FBXO32: variants seen among roughly 807,000 people sequenced by gnomAD.
FBXO32 encodes the protein F-box protein 32.
A neutral mutation model predicts 48.3 loss-of-function variants in FBXO32; 15 were observed. The observed-to-expected ratio is 0.31, with a 90% CI of 0.21 to 0.48. The LOEUF is 0.48. FBXO32 is among the 20% of genes least tolerant of loss of function. FBXO32 has a pLI of 0.99. For missense variants in FBXO32, 309 were observed against 432.7 expected, an observed-to-expected ratio of 0.71 and a Z score of 2.54; for synonymous variants, 154 against 165.9, an observed-to-expected ratio of 0.93 and a Z score of 0.55.
rs772131315 is a variant in FBXO32, at chr8:123,506,599, G to C, written c.652-25C>G. ...GCTGCAGAGAGAAGGGTGACAATAG[G>C]TGGGGGGGCCAGAGAGCAGCGATTC... is the stretch of plus-strand genomic sequence containing the variant. On this transcript the variant is annotated intron_variant, in intron 6 of 8. Transcript: ENST00000517956. The surrounding 1 kb of genome is among the most constrained non-coding windows in gnomAD (Gnocchi z 4.0). 6.4e-7 allele frequency: 1 copy of C among 1,559,098 alleles called. No individual in the cohort carries two copies. The highest frequency in any genetic ancestry group is 1.4e-5 in the African/African-American group (1 of 73,908).
rs1479361111 is a variant in FBXO32, at chr8:123,513,624, C to A, written c.467-242G>T. On this transcript the variant is annotated intron_variant, in intron 5 of 8. Transcript: ENST00000517956. This position sits in a 1 kb window ranked among gnomAD's most constrained non-coding sequence, Gnocchi z 4.3. ...CTCTTCTCTCTCATTTTCTATAAAG[C>A]CTCTTTCTCTTTTCATTGTTCTCCC... Among the ~76,000 whole-genome samples, 7 of 152,034 alleles carry A rather than the reference C, an allele frequency of 4.6e-5. No homozygotes were observed. The highest frequency in any genetic ancestry group is 1.7e-4 in the African/African-American group (7 of 41,378).
intron 7 of FBXO32, among the ~76,000 whole-genome samples, chr8:123,505,510 C>T (rs1287058694): frequency 6.6e-6 from 1 of 152,090 alleles, no homozygotes; most frequent in South Asian, 2.1e-4. Context: ...CCGAGGCAGG[C>T]GGATCACCTG....
rs1317817157 is a variant in FBXO32 at position 123,531,898 on chromosome 8, C to T, written c.372G>A (p.Arg124=). 1 of 1,613,940 alleles carries T rather than the reference C, an allele frequency of 6.2e-7. No individual in the cohort carries two copies. The highest frequency in any genetic ancestry group is 1.1e-5 in the South Asian group (1 of 91,042). ...GAGCCTTTAGGCACTTGAGACTTAC[C>T]CGGACCACGTAGTTAAATCTTCTGG... The part of the protein sequence containing the change: ...LDSRRFNYVV[R]LLELIAKSQL... The change falls in exon 4 of 9, where the codon CGG becomes CGA. Residue 124 remains arginine, a splice_region_variant and synonymous_variant. Transcript: ENST00000517956.
At chr8:123,520,400 T>C (rs889606732) in intron 4 of FBXO32, among the ~76,000 whole-genome samples, 9 of 152,058 alleles carry the variant, frequency 5.9e-5, no homozygotes, top group Non-Finnish European at 1.3e-4. Flanking sequence ...ACTCTGGGCA[T>C]CCGGCATGAT....
At chr8:123,521,772 A>G (rs1040244455) in intron 4 of FBXO32, among the ~76,000 whole-genome samples, 1 of 152,152 alleles carries the variant, frequency 6.6e-6, no homozygotes, top group Non-Finnish European at 1.5e-5. Flanking sequence ...CAGAGTTATC[A>G]AAGGCAGAAA....
At chr8:123,529,926 C>G (rs569672334) in intron 4 of FBXO32, among the ~76,000 whole-genome samples, 1 of 152,150 alleles carries the variant, frequency 6.6e-6, no homozygotes, top group African/African-American at 2.4e-5. Flanking sequence ...GACATCAGAT[C>G]TAAGTGTCTT....
intron 1 of FBXO32, among the ~76,000 whole-genome samples, chr8:123,537,999 C>T (rs1817343359): frequency 6.6e-6 from 1 of 152,158 alleles, no homozygotes; most frequent in Admixed American, 6.5e-5. Flanking sequence ...ATTCTTGGAT[C>T]ATCCCAATTC....
intron 4 of FBXO32, among the ~76,000 whole-genome samples, chr8:123,528,966 T>A (rs561112632): frequency 2.0e-5 from 3 of 152,188 alleles, no homozygotes; most frequent in Non-Finnish European, 4.4e-5. Context: ...GGCAAGCTAC[T>A]TTGCAGAGTT....
chr8:123,528,030 C>A (rs1228802765), intron 4 of FBXO32, among the ~76,000 whole-genome samples: 7 of 152,192 alleles, frequency 4.6e-5, no homozygotes, highest in Non-Finnish European at 8.8e-5. Context: ...AATATCTGGG[C>A]TCCAAAGCAG....
At chr8:123,534,958 AG>A (rs1817282062) in intron 1 of FBXO32, 144 bp from the exon 2 acceptor site, 3 of 544,450 alleles carry the variant, frequency 5.5e-6, no homozygotes, top group Non-Finnish European at 9.7e-6. Context: ...GATCACTCAA[AG>A]AAAAAAGAGT....
Position 123,503,134 on chromosome 8 carries a change from A to G in FBXO32, c.*239T>C, listed in dbSNP as rs1816532183. The G allele has an allele frequency of 2.8e-6, 1 of 354,864 alleles. No homozygotes were observed. The highest frequency in any genetic ancestry group is 5.1e-6 in the Non-Finnish European group (1 of 195,416). The allele number at this position is 354,864 out of a possible 1,614,324, so 22.0% of individuals were successfully genotyped here. ...TAGTCTTGCTGGCAAATTGTTAGAAAAAAAGTTTATTTACAGTATTTTGCT... is the reference window on the plus strand; with the variant it reads ...TAGTCTTGCTGGCAAATTGTTAGAAGAAAAGTTTATTTACAGTATTTTGCT... On this transcript the variant is annotated 3_prime_UTR_variant, in exon 9 of 9. Transcript: ENST00000517956.
rs117646760 is a variant in FBXO32, at chr8:123,520,334, G to A, written c.373-6001C>T. Reference sequence around the variant, plus strand: ...GAGAGGCAGGGGGAGGGAAGGGGAAGGAGGAGGAGGCTTCTCGGCTCCTCT... The same window carrying A: ...GAGAGGCAGGGGGAGGGAAGGGGAAAGAGGAGGAGGCTTCTCGGCTCCTCT... On this transcript the variant is annotated intron_variant, in intron 4 of 8. Transcript: ENST00000517956. Among the ~76,000 whole-genome samples the A allele has an allele frequency of 3.1e-3, 475 of 152,266 alleles. 2 individuals are homozygous for A. The highest frequency in any genetic ancestry group is 7.3e-3 in the Admixed American group (112 of 15,294).
Position 123,506,530 on chromosome 8 carries a change from T to G in FBXO32, c.696A>C (p.Leu232=), listed in dbSNP as rs1391458657. The G allele has an allele frequency of 6.2e-7, 1 of 1,611,346 alleles. No individual in the cohort carries two copies. The highest frequency in any genetic ancestry group is 2.2e-5 in the East Asian group (1 of 44,766). Residue 232 remains leucine (L), a synonymous_variant, in exon 7 of 9, where the codon CTA becomes CTC. Transcript: ENST00000517956. This position sits in a 1 kb window ranked among gnomAD's most constrained non-coding sequence, Gnocchi z 4.0. The part of the protein sequence containing the change: ...GLTFTDLPLC[L]QLNIMQRLSD... ...TCAGCCTCTGCATGATGTTCAGTTGTAGGCACAAAGGCAGGTCAGTGAAGG... is the reference window on the plus strand; with the variant it reads ...TCAGCCTCTGCATGATGTTCAGTTGGAGGCACAAAGGCAGGTCAGTGAAGG...
intron 4 of FBXO32, among the ~76,000 whole-genome samples, chr8:123,518,972 G>A (rs1162290415): frequency 1.3e-5 from 2 of 151,904 alleles, no homozygotes; most frequent in Admixed American, 6.6e-5. Flanking sequence ...CAGGGGCACA[G>A]CACTATGCCT....
chr8:123,501,523 G>T lies in FBXO32; in HGVS notation c.*1850C>A. 2 of 151,912 alleles carry T rather than the reference G, an allele frequency of 1.3e-5. 1 individual carries two copies. The highest frequency in any genetic ancestry group is 4.1e-4 in the South Asian group (2 of 4,832). 9.4% of individuals were successfully genotyped at this position (151,912 alleles called of 1,614,324 possible). On this transcript the variant is annotated 3_prime_UTR_variant, in exon 9 of 9. Transcript: ENST00000517956. The stretch of plus-strand genomic sequence containing the variant: ...AATTCAATGTAATTTTTTTCTCAGG[G>T]GGATGATAATGAAAAAAACTGGAGA...
At chr8:123,537,716 C>T (rs760566149) in intron 1 of FBXO32, among the ~76,000 whole-genome samples, 7 of 152,310 alleles carry the variant, frequency 4.6e-5, no homozygotes, top group South Asian at 2.1e-4. Context: ...TAGTGTATAA[C>T]GCTCATAGAA....
chr8:123,514,190 G>T (rs763340070), intron 5 of FBXO32, 50 bp downstream of exon 5: 4 of 1,393,964 alleles, frequency 2.9e-6, no homozygotes, highest in Non-Finnish European at 4.0e-6. Context: ...AAATCCATCT[G>T]CCCACCTCCA....
At chr8:123,526,219 C>CTT (rs879328011) in intron 4 of FBXO32, among the ~76,000 whole-genome samples, 2 of 144,704 alleles carry the variant, frequency 1.4e-5, no homozygotes, top group African/African-American at 5.0e-5. Context: ...CTTCGATGAT[C>CTT]TTTTTTTTTT....
intron 4 of FBXO32, among the ~76,000 whole-genome samples, chr8:123,516,498 AG>A (rs975506783): frequency 2.0e-5 from 3 of 152,208 alleles, no homozygotes; most frequent in African/African-American, 7.2e-5. Flanking sequence ...ATCAAGGCTG[AG>A]GGAAGAAGCA....
Sources: gnomAD v4.1 joint callset for allele counts (sites outside exome capture counted in the v4.1 genomes callset) on GRCh38, gnomAD v4.1.1 for gene constraint, Gnocchi (gnomAD v3.1) non-coding constraint, MANE v1.5 for transcripts, NCBI Gene and HGNC (gene_info 2026-07-23, HGNC 2026-07-21) for gene names.